PRKG2: variants seen among roughly 807,000 people sequenced by gnomAD.
PRKG2 encodes the protein cGMP-dependent protein kinase 2.
PRKG2 carries 33 observed loss-of-function variants against 97.2 expected under a neutral mutation model. That is an observed-to-expected ratio of 0.34 (90% CI 0.26 to 0.45). PRKG2 has a LOEUF of 0.45. Ranked by LOEUF, PRKG2 falls within the 20% of genes least tolerant of loss-of-function variation. The probability of loss-of-function intolerance (pLI) is 1.00; values close to 1 mark genes in which losing one functional copy is unlikely to be tolerated. For missense variants in PRKG2, 638 were observed against 900.0 expected, an observed-to-expected ratio of 0.71 and a Z score of 3.73; for synonymous variants, 330 against 321.8, an observed-to-expected ratio of 1.03 and a Z score of -0.27.
chr4:81,100,906 G>A (rs1279853130), intron 17 of PRKG2, among the ~76,000 whole-genome samples: 9 of 152,062 alleles, frequency 5.9e-5, no homozygotes, highest in Non-Finnish European at 1.2e-4. Context: ...GTGGGCGAAG[G>A]ATATGAACAG....
chr4:81,141,952 G>A (rs1313211505), intron 11 of PRKG2, among the ~76,000 whole-genome samples: 1 of 152,120 alleles, frequency 6.6e-6, no homozygotes, highest in East Asian at 1.9e-4. Context: ...ATCTGCTCAT[G>A]CCCAAAGCCA....
At chr4:81,179,060 G>A (rs1578477366) in intron 2 of PRKG2, among the ~76,000 whole-genome samples, 1 of 152,094 alleles carries the variant, frequency 6.6e-6, no homozygotes, top group East Asian at 1.9e-4. Context: ...GGGAGGCAGA[G>A]GTTGCAGTGA....
chr4:81,189,094 A>AAAAAAAAC (rs1553930140), intron 2 of PRKG2, among the ~76,000 whole-genome samples: 2 of 109,998 alleles, frequency 1.8e-5, no homozygotes, highest in Admixed American at 8.4e-5. Flanking sequence ...AAAAAAAAAG[A>AAAAAAAAC]AGCTAGCAAT....
intron 2 of PRKG2, among the ~76,000 whole-genome samples, chr4:81,195,708 C>T (rs1439317640): frequency 1.3e-5 from 2 of 152,218 alleles, no homozygotes; most frequent in Non-Finnish European, 2.9e-5. Context: ...CAGAGTTCCT[C>T]TGTAAGGCTG....
In PRKG2 at chr4:81,167,180, A is replaced by T; in HGVS notation, c.893T>A (p.Ile298Asn). The T allele has an allele frequency of 6.3e-7, 1 of 1,593,802 alleles. No homozygotes were observed. Among genetic ancestry groups the T allele is most frequent in the Non-Finnish European group, 8.5e-7 (1 of 1,171,386 alleles). Reference sequence around the variant, plus strand: ...TCTTACCACTTCCAAGCAGTCAATGATCTTGGTTAATTTATCTTCAGGTAA... The same window carrying T: ...TCTTACCACTTCCAAGCAGTCAATGTTCTTGGTTAATTTATCTTCAGGTAA... ...KNLPEDKLTK[I>N]IDCLEVEYYD... is the part of the protein sequence containing the mutation. The change falls in exon 6 of 19, where the codon ATC becomes AAC. Residue 298 changes from isoleucine to asparagine, a missense_variant. This residue lies in a region of PRKG2 where 332 missense variants were observed against 421.7 expected (regional missense o/e 0.79). Coordinates refer to ENST00000264399, the MANE Select transcript of PRKG2 (RefSeq NM_006259.3).
At chr4:81,144,728 A>G (rs530367024) in intron 9 of PRKG2, among the ~76,000 whole-genome samples, 1 of 150,156 alleles carries the variant, frequency 6.7e-6, no homozygotes, top group Admixed American at 6.6e-5. Context: ...ATTTACATTA[A>G]GTATATCTCC....
chr4:81,165,919 C>G (rs1749944097), intron 6 of PRKG2, among the ~76,000 whole-genome samples: 1 of 151,598 alleles, frequency 6.6e-6, no homozygotes, highest in South Asian at 2.1e-4. Flanking sequence ...AACAGATTTC[C>G]TTGGTTAACA....
chr4:81,201,864 A>G (rs980194805), intron 2 of PRKG2, among the ~76,000 whole-genome samples: 1 of 152,216 alleles, frequency 6.6e-6, no homozygotes, highest in Non-Finnish European at 1.5e-5. Context: ...CTGAAGAGAC[A>G]TTCAGTGGCT....
chr4:81,214,020 A>G (rs1754140034), intron 1 of PRKG2, among the ~76,000 whole-genome samples: 1 of 151,564 alleles, frequency 6.6e-6, no homozygotes, highest in Non-Finnish European at 1.5e-5. Flanking sequence ...GAAAACAGCT[A>G]GTGTATGTTA....
At chr4:81,122,917 T>C (rs2110005520) in intron 14 of PRKG2, among the ~76,000 whole-genome samples, 1 of 152,290 alleles carries the variant, frequency 6.6e-6, no homozygotes, top group African/African-American at 2.4e-5. Context: ...TGCAGTCCGC[T>C]CAGAAGCCTC....
intron 14 of PRKG2, among the ~76,000 whole-genome samples, chr4:81,114,442 G>A (rs911093036): frequency 9.9e-5 from 15 of 152,078 alleles, no homozygotes; most frequent in Admixed American, 9.2e-4. Flanking sequence ...GGTTCAAAGG[G>A]AATCTTCTTA....
At chr4:81,133,415 G>A (rs1746365214) in intron 14 of PRKG2, among the ~76,000 whole-genome samples, 1 of 152,076 alleles carries the variant, frequency 6.6e-6, no homozygotes, top group Non-Finnish European at 1.5e-5. Flanking sequence ...CCTGTTCCCA[G>A]AGGGCACAGC....
At chr4:81,171,957 A>G (rs1240982641) in intron 3 of PRKG2, among the ~76,000 whole-genome samples, 153 bp from the exon 4 acceptor site, 3 of 152,080 alleles carry the variant, frequency 2.0e-5, no homozygotes, top group African/African-American at 7.2e-5. Context: ...AAAAGTGTAG[A>G]CTGAAATCAC....
chr4:81,130,242 T>G (rs11737112), intron 14 of PRKG2, among the ~76,000 whole-genome samples: 28,900 of 152,078 alleles, frequency 0.19, 3,323 homozygotes, highest in East Asian at 0.45. Flanking sequence ...GTTTTCCTTC[T>G]AACAGTCAGG....
chr4:81,104,177 G>A (rs144320085), intron 17 of PRKG2, among the ~76,000 whole-genome samples, 193 bp downstream of exon 17: 1 of 152,232 alleles, frequency 6.6e-6, no homozygotes, highest in East Asian at 1.9e-4. Flanking sequence ...CGAATTTCCA[G>A]CATGAGACAA....
At chr4:81,199,668 T>C (rs1753181352) in intron 2 of PRKG2, among the ~76,000 whole-genome samples, 1 of 152,224 alleles carries the variant, frequency 6.6e-6, no homozygotes, top group Non-Finnish European at 1.5e-5. Flanking sequence ...ATTAGTGGTA[T>C]ATAAATATTT....
At chr4:81,205,313 A>G (rs1753590373) in intron 1 of PRKG2, among the ~76,000 whole-genome samples, 1 of 152,118 alleles carries the variant, frequency 6.6e-6, no homozygotes, top group South Asian at 2.1e-4. Flanking sequence ...TATCACACCT[A>G]ACATTTTTCA....
chr4:81,104,073 G>T (rs903262865), intron 17 of PRKG2, among the ~76,000 whole-genome samples: 2 of 151,898 alleles, frequency 1.3e-5, no homozygotes, highest in African/African-American at 4.8e-5. Context: ...AAAACCTAAA[G>T]AATAATAAAG....
At chr4:81,099,607 T>C (rs1230617345) in intron 17 of PRKG2, among the ~76,000 whole-genome samples, 1 of 152,108 alleles carries the variant, frequency 6.6e-6, no homozygotes, top group Non-Finnish European at 1.5e-5. Flanking sequence ...GCCAATATCA[T>C]ACTGAATGGG....
Sources: allele counts gnomAD v4.1 joint callset (sites outside exome capture counted in the v4.1 genomes callset), GRCh38; gene constraint gnomAD v4.1.1; regional missense constraint gnomAD v4.1.1; transcripts MANE v1.5; gene names NCBI Gene and HGNC (gene_info 2026-07-23, HGNC 2026-07-21).